Variants in WDR1 observed in about 807,000 individuals in gnomAD.
WDR1 encodes the protein WD repeat domain 1.
In WDR1, 21 loss-of-function variants were observed where a neutral mutation model predicts 71.9. The observed-to-expected ratio is 0.29, with a 90% confidence interval of 0.21 to 0.42. WDR1 has a LOEUF of 0.42. Ranked by LOEUF, WDR1 falls within the 10% of genes least tolerant of loss-of-function variation. The pLI is 1.00. For synonymous variants in WDR1, 424 were observed against 347.4 expected, an observed-to-expected ratio of 1.22 and a Z score of -2.45; for missense variants, 696 against 824.5, an observed-to-expected ratio of 0.84 and a Z score of 1.91.
At chr4:10,088,184 T>G (rs931759094) in intron 7 of WDR1, 109 bp downstream of exon 7, 1 of 1,120,820 alleles carries the variant, frequency 8.9e-7, no homozygotes, top group Admixed American at 2.0e-5. Context: ...CCCCGACTTA[T>G]AGCCCCTCAT....
chr4:10,100,033 A>C (rs566471253), intron 3 of WDR1, among the ~76,000 whole-genome samples: 2 of 152,340 alleles, frequency 1.3e-5, no homozygotes, highest in African/African-American at 4.8e-5. Context: ...GCGTGAAGAA[A>C]TGGGAGCATT....
intron 5 of WDR1, among the ~76,000 whole-genome samples, chr4:10,095,534 G>C (rs1489968283): frequency 6.6e-6 from 1 of 152,146 alleles, no homozygotes; most frequent in Non-Finnish European, 1.5e-5. Flanking sequence ...CCTTTGTCTT[G>C]GGGTTGGTCA....
At chr4:10,101,404 C>A (rs1348576425) in intron 3 of WDR1, among the ~76,000 whole-genome samples, 1 of 152,238 alleles carries the variant, frequency 6.6e-6, no homozygotes, top group African/African-American at 2.4e-5. Flanking sequence ...CAAACCACCC[C>A]CCTACCACAC....
chr4:10,075,319 C>G lies in WDR1; in HGVS notation c.*59G>C. 6.7e-7 allele frequency: 1 copy of G among 1,488,114 alleles called. No individual in the cohort carries two copies. 92.2% of individuals were successfully genotyped at this position (1,488,114 alleles called of 1,614,324 possible). On this transcript the variant is annotated 3_prime_UTR_variant, in exon 15 of 15. Transcript: ENST00000499869. ...CACAGAAATAGAGAAATGACATGTTCCGCTGCAGTTAAACTCTAGTCCCTG... is the reference window on the plus strand; with the variant it reads ...CACAGAAATAGAGAAATGACATGTTGCGCTGCAGTTAAACTCTAGTCCCTG...
chr4:10,083,204 G>T, intron 9 of WDR1, 26 bp from the exon 10 acceptor site: 1 of 1,606,990 alleles, frequency 6.2e-7, no homozygotes, highest in Non-Finnish European at 8.5e-7. Context: ...GGAAAAGCCC[G>T]GCTCCCAGGA....
In WDR1 at chr4:10,087,996, C is replaced by T. The variant is rs76623094; in HGVS notation, c.718-56G>A. 1.7e-5 allele frequency: 25 copies of T among 1,468,932 alleles called. No individual in the cohort carries two copies. The African/African-American group carries it at 2.3e-4, about 13-fold the overall frequency. 91.0% of individuals were successfully genotyped at this position (1,468,932 alleles called of 1,614,324 possible). A position where few individuals can be genotyped will look rare whatever the true frequency, so the allele number is the denominator to read the frequency against. On this transcript the variant is annotated intron_variant, in intron 7 of 14. Coordinates refer to ENST00000499869, the MANE Select transcript of WDR1 (RefSeq NM_017491.5). ...CAGAGGACTACAGACTGGAGAGAGA[C>T]CCCAAAAAGCAGCTTGTCCACTGCG...
chr4:10,104,280 T>C (rs1482417151), intron 2 of WDR1, among the ~76,000 whole-genome samples: 3 of 152,178 alleles, frequency 2.0e-5, no homozygotes, highest in African/African-American at 7.2e-5. Context: ...AGAACAAATA[T>C]ATCAGTGAAA....
chr4:10,111,194 T>C (rs1002132055), intron 2 of WDR1, among the ~76,000 whole-genome samples: 4 of 152,208 alleles, frequency 2.6e-5, no homozygotes, highest in Admixed American at 6.5e-5. Context: ...GGCTGCGCTA[T>C]GGTAGGGCTG....
chr4:10,110,127 C>A (rs969680318), intron 2 of WDR1, among the ~76,000 whole-genome samples: 1 of 152,138 alleles, frequency 6.6e-6, no homozygotes, highest in African/African-American at 2.4e-5. Flanking sequence ...TGGCCTTTCC[C>A]TGGAGAGCAG....
At chr4:10,079,057 C>T in intron 11 of WDR1, 56 bp from the exon 12 acceptor site, 1 of 1,443,562 alleles carries the variant, frequency 6.9e-7, no homozygotes, top group South Asian at 1.3e-5. Flanking sequence ...ACAAAACCCT[C>T]AGTGGTAGGA....
chr4:10,076,696 T>C (rs1353869893), intron 14 of WDR1: 1 of 152,222 alleles, frequency 6.6e-6, no homozygotes, highest in Admixed American at 6.5e-5. Context: ...GCCCCATTAA[T>C]GTTTAACACA....
At chr4:10,110,234 C>T (rs1010672200) in intron 2 of WDR1, among the ~76,000 whole-genome samples, 6 of 152,158 alleles carry the variant, frequency 3.9e-5, no homozygotes, top group African/African-American at 1.4e-4. Flanking sequence ...GAGTGCCTGC[C>T]CATCACTGAG....
chr4:10,078,729 C>T (rs372100722), intron 12 of WDR1, 162 bp downstream of exon 12: 15 of 583,914 alleles, frequency 2.6e-5, no homozygotes, highest in South Asian at 1.8e-4. Context: ...CAGGAGATGG[C>T]GTGGCTGGGC....
At chr4:10,086,660 T>C (rs1473901094) in intron 8 of WDR1, among the ~76,000 whole-genome samples, 1 of 152,178 alleles carries the variant, frequency 6.6e-6, no homozygotes, top group African/African-American at 2.4e-5. Context: ...CTGCAGAGGC[T>C]GGTCCCCCAG....
intron 2 of WDR1, chr4:10,115,795 T>C (rs1713681059): frequency 8.4e-6 from 2 of 239,432 alleles, no homozygotes; most frequent in South Asian, 1.4e-4. Flanking sequence ...ACTAATCTAA[T>C]CTCCCATCCA....
At chr4:10,076,964 C>G (rs971222286) in intron 14 of WDR1, 1 of 244,780 alleles carries the variant, frequency 4.1e-6, no homozygotes, top group South Asian at 1.3e-4. Context: ...CCACATGAGG[C>G]TCACATTATA....
At chr4:10,101,526 G>A (rs919811111) in intron 3 of WDR1, among the ~76,000 whole-genome samples, 1 of 152,222 alleles carries the variant, frequency 6.6e-6, no homozygotes, top group Non-Finnish European at 1.5e-5. Context: ...TCTCGCCCAA[G>A]AACACTTGGA....
intron 2 of WDR1, among the ~76,000 whole-genome samples, chr4:10,106,925 C>G (rs1713056603): frequency 6.6e-6 from 1 of 152,186 alleles, no homozygotes; most frequent in Admixed American, 6.5e-5. Context: ...TCCCCATCAG[C>G]TGGGTCGAGA....
chr4:10,079,329 G>A (rs1385844613), intron 11 of WDR1, among the ~76,000 whole-genome samples: 1 of 152,256 alleles, frequency 6.6e-6, no homozygotes, highest in East Asian at 1.9e-4. Flanking sequence ...GGGTAAGAAA[G>A]GTACTAACAA....
Sources: allele counts gnomAD v4.1 joint callset (sites outside exome capture counted in the v4.1 genomes callset), GRCh38; gene constraint gnomAD v4.1.1; transcripts MANE v1.5; gene names NCBI Gene and HGNC (gene_info 2026-07-23, HGNC 2026-07-21).